Variants in MACROD2 observed in about 807,000 individuals in gnomAD.
The protein encoded by MACROD2 is mono-ADP ribosylhydrolase 2.
MACROD2 carries 36 observed loss-of-function variants against 70.4 expected under a neutral mutation model. That is an observed-to-expected ratio of 0.51 (90% confidence interval 0.39 to 0.68). MACROD2 has a LOEUF of 0.68. Among genes scored for constraint, MACROD2 ranks in the 30% least tolerant of loss-of-function variants. The pLI, the probability that MACROD2 is intolerant of heterozygous loss-of-function variation, is 0.00. For missense variants in MACROD2, 496 were observed against 538.4 expected (o/e 0.92, Z 0.78); for synonymous variants, 172 against 178.8 (o/e 0.96, Z 0.30).
At chr20:14,895,484 T>A (rs1377513151) in intron 5 of MACROD2, 1 of 152,160 alleles carries the variant, frequency 6.6e-6, no homozygotes, top group Non-Finnish European at 1.5e-5. Context: ...AATATCCATA[T>A]AACAATGGTG....
chr20:16,008,242 G>A (rs993396375), intron 15 of MACROD2, among the ~76,000 whole-genome samples: 6 of 152,150 alleles, frequency 3.9e-5, no homozygotes, highest in African/African-American at 9.7e-5. Context: ...CTGGTTAGTC[G>A]TTTATCTCGC....
chr20:14,479,758 A>G (rs2084641078), intron 3 of MACROD2, among the ~76,000 whole-genome samples: 1 of 152,118 alleles, frequency 6.6e-6, no homozygotes, highest in Admixed American at 6.6e-5. Context: ...GAATATCGTA[A>G]TCTCTCATCA....
intron 4 of MACROD2, among the ~76,000 whole-genome samples, chr20:14,501,850 G>A (rs2084918444): frequency 6.6e-6 from 1 of 152,074 alleles, no homozygotes; most frequent in Non-Finnish European, 1.5e-5. Flanking sequence ...ATACCTAAAT[G>A]GTTGGAAGTT....
chr20:14,855,502 A>G (rs1363113384), intron 5 of MACROD2, among the ~76,000 whole-genome samples: 2 of 150,908 alleles, frequency 1.3e-5, no homozygotes, highest in African/African-American at 4.9e-5. Flanking sequence ...TCCAAACAGT[A>G]TTATACTCAA....
chr20:15,157,353 C>G lies in MACROD2; in HGVS notation c.419-72587C>G, dbSNP rs2076314690. On this transcript the variant is annotated intron_variant, in intron 5 of 17. Transcript: ENST00000684519. ...CTCATCTAAATCTAATTAACCACCC[C>G]CCCCCACCTCCCCCCCCCCCGGCCA... Among the ~76,000 whole-genome samples, 3 of 8,934 alleles carry G rather than the reference C, an allele frequency of 3.4e-4. 1 individual carries two copies. The highest frequency in any genetic ancestry group is 1.4e-3 in the Admixed American group (2 of 1,418). 5.9% of individuals were successfully genotyped at this position (8,934 alleles called of 152,430 possible).
chr20:15,745,253 C>G (rs1359136290), intron 8 of MACROD2, among the ~76,000 whole-genome samples: 1 of 152,140 alleles, frequency 6.6e-6, no homozygotes, highest in Admixed American at 6.6e-5. Flanking sequence ...GACACATACA[C>G]AGAACTGGAA....
intron 8 of MACROD2, among the ~76,000 whole-genome samples, chr20:15,621,622 G>A (rs1312997269): frequency 1.3e-5 from 2 of 152,186 alleles, no homozygotes; most frequent in African/African-American, 2.4e-5. Context: ...CTGGAGGAAG[G>A]TGTTGTAAAT....
At chr20:15,358,512 C>T (rs994297313) in intron 6 of MACROD2, among the ~76,000 whole-genome samples, 2 of 151,468 alleles carry the variant, frequency 1.3e-5, no homozygotes, top group Admixed American at 6.6e-5. Flanking sequence ...TATTGTCAAT[C>T]TCTCCAAATT....
At chr20:14,540,400 A>C (rs1333573227) in intron 4 of MACROD2, among the ~76,000 whole-genome samples, 1 of 152,200 alleles carries the variant, frequency 6.6e-6, no homozygotes, top group Non-Finnish European at 1.5e-5. Flanking sequence ...GTGTGCTTCC[A>C]ACCTAACCCT....
chr20:15,295,692 C>G (rs1240356299), intron 6 of MACROD2, among the ~76,000 whole-genome samples: 1 of 151,874 alleles, frequency 6.6e-6, no homozygotes, highest in Admixed American at 6.6e-5. Context: ...CTTTAGCCAC[C>G]ACTCACACCC....
At chr20:15,018,689 C>G (rs1350938480) in intron 5 of MACROD2, among the ~76,000 whole-genome samples, 1 of 152,130 alleles carries the variant, frequency 6.6e-6, no homozygotes, top group African/African-American at 2.4e-5. Flanking sequence ...CTCCTTTTCA[C>G]GTTTTTCTGC....
At chr20:14,811,962 G>A (rs112763364) in intron 5 of MACROD2, among the ~76,000 whole-genome samples, 8,535 of 152,078 alleles carry the variant, frequency 0.056, 320 homozygotes, top group African/African-American at 0.087. Context: ...ACATAGGAAC[G>A]CTTTACACTG....
At chr20:14,435,149 C>T (rs1306684130) in intron 3 of MACROD2, among the ~76,000 whole-genome samples, 1 of 152,158 alleles carries the variant, frequency 6.6e-6, no homozygotes, top group Non-Finnish European at 1.5e-5. Flanking sequence ...AATAAAGAAT[C>T]CTTCCCTGCT....
intron 3 of MACROD2, among the ~76,000 whole-genome samples, chr20:14,407,116 C>T (rs1356290636): frequency 1.3e-4 from 1 of 7,646 alleles, no homozygotes; most frequent in Non-Finnish European, 5.4e-4. Context: ...ACTCTAGTGG[C>T]AATGAAAAAA....
chr20:14,540,887 A>C (rs1273565032), intron 4 of MACROD2, among the ~76,000 whole-genome samples: 3 of 152,188 alleles, frequency 2.0e-5, no homozygotes, highest in African/African-American at 7.2e-5. Context: ...TAATGAGCTC[A>C]TGTTCTCATT....
At chr20:14,610,693 A>C (rs1036725195) in intron 4 of MACROD2, among the ~76,000 whole-genome samples, 5 of 152,122 alleles carry the variant, frequency 3.3e-5, no homozygotes, top group African/African-American at 1.2e-4. Flanking sequence ...GATTTTAATC[A>C]GTAAAGCCTA....
intron 2 of MACROD2, chr20:14,051,776 G>GT (rs1351157283): frequency 2.2e-6 from 1 of 453,452 alleles, no homozygotes; most frequent in African/African-American, 2.0e-5. Context: ...TATCAGAATA[G>GT]TAACATGTAA....
intron 8 of MACROD2, among the ~76,000 whole-genome samples, chr20:15,851,915 C>T (rs1377541061): frequency 1.3e-5 from 2 of 152,170 alleles, no homozygotes; most frequent in African/African-American, 4.8e-5. Flanking sequence ...GGGCAGCCAC[C>T]ACGAGCACAC....
intron 9 of MACROD2, among the ~76,000 whole-genome samples, chr20:15,873,842 C>T (rs563736727): frequency 9.9e-5 from 15 of 152,212 alleles, no homozygotes; most frequent in South Asian, 6.2e-4. Flanking sequence ...CTATGGACTT[C>T]GCCTCACAGA....
Sources: allele counts gnomAD v4.1 joint callset (sites outside exome capture counted in the v4.1 genomes callset), GRCh38; gene constraint gnomAD v4.1.1; transcripts MANE v1.5; gene names NCBI Gene and HGNC (gene_info 2026-07-23, HGNC 2026-07-21).